Variants in COL4A1 observed in about 807,000 individuals in gnomAD.
COL4A1 encodes the protein collagen type IV alpha 1 chain.
COL4A1 carries 40 observed loss-of-function variants against 216.6 expected under a neutral mutation model. The observed-to-expected ratio is 0.18, with a 90% CI of 0.14 to 0.24. COL4A1 has a LOEUF of 0.24. Among genes scored for constraint, COL4A1 ranks in the 10% least tolerant of loss-of-function variants. The pLI is 1.00. For missense variants in COL4A1, 1,628 were observed against 2,196.8 expected (o/e 0.74, Z 5.18); for synonymous variants, 839 against 810.7 (o/e 1.03, Z -0.59).
intron 1 of COL4A1, among the ~76,000 whole-genome samples, chr13:110,245,708 C>T (rs565515195): frequency 6.6e-6 from 1 of 152,314 alleles, no homozygotes; most frequent in African/African-American, 2.4e-5. Flanking sequence ...TCCGTGAATG[C>T]TTCCATTGCC....
chr13:110,266,561 G>C (rs556904044), intron 1 of COL4A1, among the ~76,000 whole-genome samples: 2 of 152,186 alleles, frequency 1.3e-5, no homozygotes, highest in Non-Finnish European at 2.9e-5. Flanking sequence ...CTCAGTATAC[G>C]TCGCGGAGAC....
Position 110,187,189 on chromosome 13 carries a change from AC to A in COL4A1, c.1676del (p.Gly559ValfsTer21). On this transcript the variant is annotated frameshift_variant, in exon 25 of 52. Coordinates refer to ENST00000375820, the MANE Select transcript of COL4A1 (RefSeq NM_001845.6). LOFTEE classifies it high-confidence loss of function. ...PGQPGMPGRA[G>X]SPGRDGHPGL... ...CCGGATGGCCATCTCTTCCAGGAGA[AC>A]CCGCTCTCCCTGGCATGCCGGGCTG... 6.2e-7 allele frequency: 1 copy of A among 1,613,974 alleles called. No homozygotes were observed. The highest frequency in any genetic ancestry group is 8.5e-7 in the Non-Finnish European group (1 of 1,179,926).
At chr13:110,253,630 A>ATGTG (rs768013334) in intron 1 of COL4A1, among the ~76,000 whole-genome samples, 6,946 of 135,414 alleles carry the variant, frequency 0.051, 768 homozygotes, top group Non-Finnish European at 0.08. Flanking sequence ...TTATAATTAT[A>ATGTG]TATGTATGTA....
Position 110,211,749 on chromosome 13 carries a change from T to C in COL4A1, c.442-76A>G. ...GCATTAAAATTGTTATCATGTAATA[T>C]TATATATAAAATATAAGTTATTAAA... On this transcript the variant is annotated intron_variant, in intron 7 of 51. Coordinates refer to ENST00000375820, the MANE Select transcript of COL4A1 (RefSeq NM_001845.6). This position sits in a 1 kb window ranked among gnomAD's most constrained non-coding sequence, Gnocchi z 4.3. 6.9e-7 allele frequency: 1 copy of C among 1,439,260 alleles called. No homozygotes were observed. The highest frequency in any genetic ancestry group is 9.5e-7 in the Non-Finnish European group (1 of 1,053,192). The allele number at this position is 1,439,260 out of a possible 1,614,324, so 89.2% of individuals were successfully genotyped here.
At chr13:110,279,311 C>A (rs1346834617) in intron 1 of COL4A1, among the ~76,000 whole-genome samples, 2 of 152,132 alleles carry the variant, frequency 1.3e-5, no homozygotes, top group African/African-American at 4.8e-5. Flanking sequence ...AGTCCAGTTC[C>A]ACACCTGAGG....
At chr13:110,177,970 C>CTGAATGCTGACAG (rs778318330) in intron 32 of COL4A1, 39 bp from the exon 33 acceptor site, 3 of 1,613,816 alleles carry the variant, frequency 1.9e-6, no homozygotes, top group African/African-American at 1.3e-5. Context: ...TTTTCTTGCT[C>CTGAATGCTGACAG]TGAATGCTGA....
At chr13:110,283,953 C>T (rs1324254565) in intron 1 of COL4A1, among the ~76,000 whole-genome samples, 1 of 152,230 alleles carries the variant, frequency 6.6e-6, no homozygotes, top group East Asian at 1.9e-4. Flanking sequence ...CGCTGTATGA[C>T]AGTGGTGGCC....
intron 50 of COL4A1, among the ~76,000 whole-genome samples, 196 bp from the exon 51 acceptor site, chr13:110,152,702 C>T (rs1195430741): frequency 1.3e-5 from 2 of 152,222 alleles, no homozygotes; most frequent in Non-Finnish European, 2.9e-5. Flanking sequence ...TGGCTGGGGC[C>T]CCATGGTGCT....
At chr13:110,230,208 G>A (rs528015658) in intron 2 of COL4A1, among the ~76,000 whole-genome samples, 14 of 152,160 alleles carry the variant, frequency 9.2e-5, no homozygotes, top group African/African-American at 3.4e-4. Flanking sequence ...CACGGTGTGT[G>A]TTCCATGTAT....
intron 1 of COL4A1, among the ~76,000 whole-genome samples, chr13:110,293,958 C>T (rs529953785): frequency 6.6e-6 from 1 of 152,306 alleles, no homozygotes; most frequent in African/African-American, 2.4e-5. Context: ...CCCTAACTCA[C>T]AAATTAGGTT....
intron 6 of COL4A1, 105 bp downstream of exon 6, chr13:110,212,312 T>C (rs536160733): frequency 5.1e-6 from 7 of 1,376,434 alleles, no homozygotes; most frequent in African/African-American, 1.4e-5. Context: ...AACTTTCCAA[T>C]TGTGGCAAAT....
At chr13:110,194,646 G>A (rs149953869) in intron 22 of COL4A1, among the ~76,000 whole-genome samples, 2 of 152,286 alleles carry the variant, frequency 1.3e-5, no homozygotes, top group African/African-American at 2.4e-5. Context: ...TTTTGACTTG[G>A]CTTGAAGGAG....
intron 20 of COL4A1, among the ~76,000 whole-genome samples, chr13:110,199,338 G>A (rs1336501495): frequency 6.6e-6 from 1 of 152,222 alleles, no homozygotes; most frequent in Non-Finnish European, 1.5e-5. Flanking sequence ...ACAGGACGCA[G>A]GAAGACTTGG....
At chr13:110,153,681 A>G (rs1421081962) in intron 50 of COL4A1, among the ~76,000 whole-genome samples, 1 of 152,232 alleles carries the variant, frequency 6.6e-6, no homozygotes, top group Non-Finnish European at 1.5e-5. Context: ...AGCACTTCGA[A>G]TTATTGCAAC....
chr13:110,204,808 G>C (rs937943654), intron 17 of COL4A1, among the ~76,000 whole-genome samples: 2 of 152,128 alleles, frequency 1.3e-5, no homozygotes, highest in African/African-American at 2.4e-5. Flanking sequence ...GAAATGACCA[G>C]ACAAGTGAGC....
intron 28 of COL4A1, among the ~76,000 whole-genome samples, chr13:110,182,084 A>G (rs922801026): frequency 2.6e-5 from 4 of 152,164 alleles, no homozygotes; most frequent in South Asian, 2.1e-4. Flanking sequence ...CCTCAGGTGA[A>G]GGAGGCACTG....
chr13:110,169,540 A>T (rs1877508338), intron 43 of COL4A1, 89 bp downstream of exon 43: 1 of 1,588,992 alleles, frequency 6.3e-7, no homozygotes, highest in African/African-American at 1.3e-5. Flanking sequence ...ATATACATAC[A>T]CAAAATACAT....
intron 1 of COL4A1, among the ~76,000 whole-genome samples, chr13:110,256,375 G>A (rs1483014199): frequency 6.6e-6 from 1 of 152,226 alleles, no homozygotes; most frequent in African/African-American, 2.4e-5. Context: ...TGATACTCGG[G>A]AGGAAGAGGT....
rs76762033 is a variant in COL4A1 at position 110,150,744 on chromosome 13, A to G, written c.4929-300T>C. ...TCAGTCTGGCTCCGAAGCCTTGGCC[A>G]TTCCCCTCTGTGCCACCCTGCCTCC... On this transcript the variant is annotated intron_variant, in intron 51 of 51. Coordinates refer to ENST00000375820, the MANE Select transcript of COL4A1 (RefSeq NM_001845.6). 0.01 allele frequency among the ~76,000 whole-genome samples: 1,551 copies of G among 152,308 alleles called. 23 individuals are homozygous for G. Among genetic ancestry groups the G allele is most frequent in the African/African-American group, 0.036 (1,479 of 41,564 alleles).
Sources: gnomAD v4.1 joint callset for allele counts (sites outside exome capture counted in the v4.1 genomes callset) on GRCh38, gnomAD v4.1.1 for gene constraint, Gnocchi (gnomAD v3.1) non-coding constraint, MANE v1.5 for transcripts, NCBI Gene and HGNC (gene_info 2026-07-23, HGNC 2026-07-21) for gene names.